Variants in STIM1 observed in about 807,000 individuals in gnomAD.
STIM1 encodes stromal interaction molecule 1.
STIM1 carries 25 observed loss-of-function variants against 74.7 expected under a neutral mutation model. The observed-to-expected ratio is 0.33, with a 90% CI of 0.24 to 0.47. STIM1 has a LOEUF of 0.47. Ranked by LOEUF, STIM1 falls within the 20% of genes least tolerant of loss-of-function variation. The pLI, the probability that STIM1 is intolerant of heterozygous loss-of-function variation, is 1.00. For missense variants in STIM1, 728 were observed against 920.8 expected (o/e 0.79, Z 2.71); for synonymous variants, 328 against 348.8 (o/e 0.94, Z 0.66).
intron 1 of STIM1, among the ~76,000 whole-genome samples, chr11:3,953,139 T>G (rs1276323799): frequency 6.6e-6 from 1 of 152,210 alleles, no homozygotes; most frequent in African/African-American, 2.4e-5. Flanking sequence ...AGAAGATGAT[T>G]AGGTTTAGCA....
chr11:4,000,439 G>C (rs2093704285), intron 2 of STIM1, among the ~76,000 whole-genome samples: 1 of 151,994 alleles, frequency 6.6e-6, no homozygotes, highest in South Asian at 2.1e-4. Flanking sequence ...AAAATCCGTG[G>C]TTCTGCAGAC....
At chr11:3,882,166 C>G (rs1377583714) in intron 1 of STIM1, among the ~76,000 whole-genome samples, 1 of 130,364 alleles carries the variant, frequency 7.7e-6, no homozygotes, top group Non-Finnish European at 1.5e-5. Context: ...ATGGTGCGAT[C>G]TTGGCTCACC....
chr11:3,862,246 C>T (rs1424075014), intron 1 of STIM1, among the ~76,000 whole-genome samples: 1 of 152,096 alleles, frequency 6.6e-6, no homozygotes, highest in African/African-American at 2.4e-5. Context: ...TAAATTCCCC[C>T]TAAAAAGTAA....
At chr11:3,896,808 A>G (rs1462364427) in intron 1 of STIM1, among the ~76,000 whole-genome samples, 2 of 152,148 alleles carry the variant, frequency 1.3e-5, no homozygotes, top group Non-Finnish European at 2.9e-5. Flanking sequence ...CTATAGTACT[A>G]TATGCTAGCT....
intron 1 of STIM1, among the ~76,000 whole-genome samples, chr11:3,915,564 A>G (rs1351801870): frequency 6.6e-6 from 1 of 151,590 alleles, no homozygotes; most frequent in Non-Finnish European, 1.5e-5. Context: ...CGCCTGGCTA[A>G]TTTTTTGTAT....
chr11:3,942,024 C>T (rs59787805), intron 1 of STIM1, among the ~76,000 whole-genome samples: 3,492 of 152,118 alleles, frequency 0.023, 120 homozygotes, highest in African/African-American at 0.075. Context: ...CAAAAATAGG[C>T]TTTAATTACA....
At chr11:4,021,341 G>T (rs952921499) in intron 2 of STIM1, among the ~76,000 whole-genome samples, 2 of 152,176 alleles carry the variant, frequency 1.3e-5, no homozygotes, top group East Asian at 3.9e-4. Flanking sequence ...GGCCAGGCTG[G>T]TCTCCAACTC....
chr11:4,033,835 G>A (rs1332624257), intron 3 of STIM1, among the ~76,000 whole-genome samples: 9 of 151,628 alleles, frequency 5.9e-5, no homozygotes, highest in African/African-American at 1.9e-4. Flanking sequence ...TCCTGACCTC[G>A]TGATCTGCCC....
At chr11:3,929,699 G>A (rs111593204) in intron 1 of STIM1, among the ~76,000 whole-genome samples, 1 of 152,144 alleles carries the variant, frequency 6.6e-6, no homozygotes, top group Non-Finnish European at 1.5e-5. Flanking sequence ...TGAGGAGGGC[G>A]AGGGAAGGGT....
intron 2 of STIM1, among the ~76,000 whole-genome samples, chr11:3,969,599 G>A (rs2093372338): frequency 6.6e-6 from 1 of 152,214 alleles, no homozygotes; most frequent in South Asian, 2.1e-4. Flanking sequence ...AGAAAAAATA[G>A]ACTTCCTGTA....
intron 2 of STIM1, among the ~76,000 whole-genome samples, chr11:4,020,561 C>T (rs573149264): frequency 6.6e-6 from 1 of 151,948 alleles, no homozygotes; most frequent in Non-Finnish European, 1.5e-5. Flanking sequence ...TGATATTGAG[C>T]ATATTTTTCA....
chr11:4,080,467 G>GTTT (rs753798798), intron 7 of STIM1, among the ~76,000 whole-genome samples: 52,026 of 129,324 alleles, frequency 0.4, 12,733 homozygotes, highest in Non-Finnish European at 0.54. Context: ...TAACCAAACA[G>GTTT]TTTTTTTTTT....
intron 1 of STIM1, among the ~76,000 whole-genome samples, chr11:3,949,906 C>T (rs1565125297): frequency 6.6e-6 from 1 of 152,170 alleles, no homozygotes; most frequent in Non-Finnish European, 1.5e-5. Flanking sequence ...TCCAACACCA[C>T]AAAGATCCTT....
At chr11:4,069,389 G>A (rs778334547) in intron 5 of STIM1, among the ~76,000 whole-genome samples, 1 of 152,078 alleles carries the variant, frequency 6.6e-6, no homozygotes, top group Non-Finnish European at 1.5e-5. Flanking sequence ...CTCAATTTCT[G>A]GTAGGTATAA....
At chr11:4,072,666 G>A (rs997023031) in intron 6 of STIM1, among the ~76,000 whole-genome samples, 9 of 152,260 alleles carry the variant, frequency 5.9e-5, no homozygotes, top group African/African-American at 1.2e-4. Context: ...AAAGGAGCTC[G>A]CTATTATTAT....
intron 1 of STIM1, among the ~76,000 whole-genome samples, chr11:3,955,263 G>A (rs1315995062): frequency 6.6e-6 from 1 of 152,174 alleles, no homozygotes; most frequent in Admixed American, 6.5e-5. Flanking sequence ...GAATATTCTG[G>A]GGTGATGGAA....
rs540898136 is a variant in STIM1, at chr11:4,038,644, A to G, written c.385+14657A>G. Among the ~76,000 whole-genome samples, 10 of 152,170 alleles carry G rather than the reference A, an allele frequency of 6.6e-5. No homozygotes were observed. The South Asian group carries it at 2.1e-3, about 32-fold the overall frequency. ...TATGTTGTCTTTTTTGGGAGGGGTA[A>G]TTTTAATTCAGGAGGGAGGGTAAAT... On this transcript the variant is annotated intron_variant, in intron 3 of 12. Transcript: ENST00000526596.
intron 5 of STIM1, among the ~76,000 whole-genome samples, chr11:4,065,470 CTT>C (rs80064284): frequency 4.4e-4 from 63 of 143,214 alleles, no homozygotes; most frequent in African/African-American, 1.2e-3. Context: ...GCCCTTTGTA[CTT>C]TTTTTTTTTT....
chr11:3,998,094 A>G (rs755010962), intron 2 of STIM1, among the ~76,000 whole-genome samples: 1 of 152,184 alleles, frequency 6.6e-6, no homozygotes, highest in Non-Finnish European at 1.5e-5. Flanking sequence ...TTCTTAAAAC[A>G]TATTACACAC....
Sources: allele counts gnomAD v4.1 joint callset (sites outside exome capture counted in the v4.1 genomes callset), GRCh38; gene constraint gnomAD v4.1.1; transcripts MANE v1.5; gene names NCBI Gene and HGNC (gene_info 2026-07-23, HGNC 2026-07-21).